The following ARHGEF40 variants were observed in gnomAD, a reference collection of about 807,000 sequenced individuals.
ARHGEF40 encodes the protein Rho guanine nucleotide exchange factor 40, also known as Rho guanine nucleotide exchange factor (GEF) 40.
A neutral mutation model predicts 165.9 loss-of-function variants in ARHGEF40; 98 were observed. That is an observed-to-expected ratio of 0.59 (90% CI 0.50 to 0.70). The LOEUF (loss-of-function observed/expected upper bound fraction) is 0.70, where lower values mean the gene tolerates loss of function less well. Ranked by LOEUF, ARHGEF40 falls within the 30% of genes least tolerant of loss-of-function variation. The pLI, the probability that ARHGEF40 is intolerant of heterozygous loss-of-function variation, is 0.00. For missense variants in ARHGEF40, 1,815 were observed against 1,968.0 expected, an observed-to-expected ratio of 0.92 and a Z score of 1.47; for synonymous variants, 792 against 814.3, an observed-to-expected ratio of 0.97 and a Z score of 0.47.
Position 21,074,516 on chromosome 14 carries a change from C to T in ARHGEF40, c.786C>T (p.Ser262=), listed in dbSNP as rs752015437. Reference sequence around the variant, plus strand: ...GGAGCCCAACAGATGCTGAAGGCTCCCCAGGCCTCTCCAGAGTCCGGACGG... The same window carrying T: ...GGAGCCCAACAGATGCTGAAGGCTCTCCAGGCCTCTCCAGAGTCCGGACGG... ...VRGSPTDAEG[S]PGLSRVRTVP... Residue 262 remains serine, a synonymous_variant, in exon 3 of 24, where the codon TCC becomes TCT. Transcript: ENST00000298694. The surrounding 1 kb of genome is among the most constrained non-coding windows in gnomAD (Gnocchi z 4.8). The T allele has an allele frequency of 6.4e-7, 1 of 1,553,270 alleles. No homozygotes were observed. Among genetic ancestry groups the T allele is most frequent in the South Asian group, 1.2e-5 (1 of 83,234 alleles).
At chr14:21,069,172 C>T (rs537283491), upstream of ARHGEF40, among the ~76,000 whole-genome samples, 22 of 152,362 alleles carry the variant, frequency 1.4e-4, no homozygotes, top group African/African-American at 5.3e-4. Flanking sequence ...AGGGCATCTC[C>T]CCGCCGTGCC....
chr14:21,075,554 G>T lies in ARHGEF40; in HGVS notation c.1618+55G>T. The T allele has an allele frequency of 6.2e-7, 1 of 1,614,006 alleles. No homozygotes were observed. Among genetic ancestry groups the T allele is most frequent in the Non-Finnish European group, 8.5e-7 (1 of 1,180,012 alleles). On this transcript the variant is annotated intron_variant, in intron 4 of 23. Transcript: ENST00000298694. The surrounding 1 kb of genome is among the most constrained non-coding windows in gnomAD (Gnocchi z 4.5). ...CAGGACTGGGAAAGAGAAGCAATTG[G>T]GTGGGCTTGGGGACTGGGGGAGGCA... is the stretch of plus-strand genomic sequence containing the variant.
At chr14:21,078,711 A>C (rs778221431) in intron 10 of ARHGEF40, among the ~76,000 whole-genome samples, 173 bp from the exon 11 acceptor site, 21 of 152,260 alleles carry the variant, frequency 1.4e-4, no homozygotes, top group African/African-American at 5.1e-4. Flanking sequence ...TGTCTTGGCC[A>C]ACATCGGTCA....
Position 21,075,324 on chromosome 14 carries a change from CTG to C in ARHGEF40, c.1451-5_1451-4del. On this transcript the variant is annotated splice_polypyrimidine_tract_variant and splice_region_variant and intron_variant, in intron 3 of 23. Transcript: ENST00000298694. The surrounding 1 kb of genome is among the most constrained non-coding windows in gnomAD (Gnocchi z 4.5). ...TTCAGTCCCATGTTTCTGTCTGTGT[CTG>C]TGCAGGACACACAGGCCCAGAAGGC... 4 of 1,613,746 alleles carry C rather than the reference CTG, an allele frequency of 2.5e-6. No individual in the cohort carries two copies. The highest frequency in any genetic ancestry group is 3.4e-6 in the Non-Finnish European group (4 of 1,179,938).
rs767614262 is a variant in ARHGEF40, at chr14:21,087,301, C to G, written c.4244-19C>G. ...TTTCCCACACCAGCACCCCACCCCC[C>G]ACTCCCCACTCTCTGCAGCCGCCCG... is the stretch of plus-strand genomic sequence containing the variant. On this transcript the variant is annotated intron_variant, in intron 20 of 23. Coordinates refer to ENST00000298694, the MANE Select transcript of ARHGEF40 (RefSeq NM_018071.5). 8 of 1,600,858 alleles carry G rather than the reference C, an allele frequency of 5.0e-6. No individual in the cohort carries two copies. Among genetic ancestry groups the G allele is most frequent in the East Asian group, 2.2e-5 (1 of 44,694 alleles).
chr14:21,073,098 A>G lies in ARHGEF40; in HGVS notation c.57A>G (p.Pro19=). The change falls in exon 2 of 24, where the codon CCA becomes CCG. Residue 19 remains proline, a synonymous_variant. Coordinates refer to ENST00000298694, the MANE Select transcript of ARHGEF40 (RefSeq NM_018071.5). The surrounding 1 kb of genome is among the most constrained non-coding windows in gnomAD (Gnocchi z 4.6). ...AGAGCACTCTCGCCGCCCTGTATCC[A>G]CCCTTTGAGGCAACAGCCCCCACCC... The part of the protein sequence containing the change: ...CVQSTLAALY[P]PFEATAPTLL... The G allele has an allele frequency of 6.2e-7, 1 of 1,613,978 alleles. No individual in the cohort carries two copies. The highest frequency in any genetic ancestry group is 8.5e-7 in the Non-Finnish European group (1 of 1,179,972).
chr14:21,065,732 C>T (rs1886228764), upstream of ARHGEF40, among the ~76,000 whole-genome samples: 2 of 152,124 alleles, frequency 1.3e-5, no homozygotes, highest in South Asian at 4.1e-4. Context: ...AAGAAAGCTC[C>T]AGACAGAAGG....
chr14:21,081,737 G>A lies in ARHGEF40; in HGVS notation c.2869G>A (p.Gly957Arg), dbSNP rs941162911. 6 of 1,576,766 alleles carry A rather than the reference G, an allele frequency of 3.8e-6. No homozygotes were observed. The highest frequency in any genetic ancestry group is 1.4e-5 in the African/African-American group (1 of 74,052). ...AGAGAGGAGGATCCAGCAACACGTG[G>A]GAGAGGAGGCGAGCCCACGGGGCTA... ...ELERRIQQHV[G>R]EEASPRGYRR... Residue 957 changes from glycine (G) to arginine (R), a missense_variant, in exon 14 of 24, where the codon GGA becomes AGA. By Grantham distance (125) the Gly-to-Arg change is moderately radical. Coordinates refer to ENST00000298694, the MANE Select transcript of ARHGEF40 (RefSeq NM_018071.5).
rs375696722 is a variant in ARHGEF40 at position 21,081,968 on chromosome 14, G to T, written c.3100G>T (p.Ala1034Ser). Residue 1034 changes from alanine to serine, a missense_variant, in exon 14 of 24, where the codon GCT becomes TCT. Coordinates refer to ENST00000298694, the MANE Select transcript of ARHGEF40 (RefSeq NM_018071.5). Reference protein sequence around the residue: ...APEAEGRPPRAVLIRGLEVTS... With the variant: ...APEAEGRPPRSVLIRGLEVTS... ...AGAAGCAGAGGGCAGGCCCCCAAGA[G>T]CTGTGCTGATCCGAGGCCTGGAGGT... 1 of 1,598,894 alleles carries T rather than the reference G, an allele frequency of 6.3e-7. No homozygotes were observed. The highest frequency in any genetic ancestry group is 1.1e-5 in the South Asian group (1 of 88,734).
chr14:21,063,749 A>C, the ARHGEF40 span, among the ~76,000 whole-genome samples: 2 of 152,230 alleles, frequency 1.3e-5, no homozygotes, highest in Non-Finnish European at 2.9e-5. Flanking sequence ...ATTTAACAAA[A>C]TGTGGTTTTG....
At chr14:21,077,277 G>GTTTTTT (rs1229886464) in intron 8 of ARHGEF40, among the ~76,000 whole-genome samples, 1 of 115,694 alleles carries the variant, frequency 8.6e-6, no homozygotes, top group Non-Finnish European at 1.8e-5. Flanking sequence ...CCTAGTTTTT[G>GTTTTTT]TATTTTTTTT....
chr14:21,073,844 C>T lies in ARHGEF40; in HGVS notation c.202-88C>T, dbSNP rs992479081. 8.3e-6 allele frequency: 12 copies of T among 1,450,622 alleles called. No homozygotes were observed. In the Middle Eastern group the frequency reaches 1.1e-3, roughly 132 times the overall value. The allele number at this position is 1,450,622 out of a possible 1,614,324, so 89.9% of individuals were successfully genotyped here. A position where few individuals can be genotyped will look rare whatever the true frequency, so the allele number is the denominator to read the frequency against. ...ATAACCTTCCAGGCATAAGGCTGGT[C>T]CTGCCTAGGGTGGGCCCATTCTAAC... On this transcript the variant is annotated intron_variant, in intron 2 of 23. Transcript: ENST00000298694. This position sits in a 1 kb window ranked among gnomAD's most constrained non-coding sequence, Gnocchi z 4.6.
Position 21,089,053 on chromosome 14 carries a change from C to A in ARHGEF40, c.*45C>A. On this transcript the variant is annotated 3_prime_UTR_variant, in exon 24 of 24. Coordinates refer to ENST00000298694, the MANE Select transcript of ARHGEF40 (RefSeq NM_018071.5). ...TTGCGTGCAGCTTCTCCTCTCAGCA[C>A]ACTTTGGGCTGGGATGGCAGTGGGG... The A allele has an allele frequency of 1.7e-6, 1 of 599,884 alleles. No individual in the cohort carries two copies. The highest frequency in any genetic ancestry group is 2.8e-6 in the Non-Finnish European group (1 of 352,466). The allele number at this position is 599,884 out of a possible 1,614,324, so 37.2% of individuals were successfully genotyped here. A position where few individuals can be genotyped will look rare whatever the true frequency, so the allele number is the denominator to read the frequency against.
chr14:21,082,425 C>T lies in ARHGEF40; in HGVS notation c.3433C>T (p.Leu1145Phe), dbSNP rs753689255. The change falls in exon 15 of 24, where the codon CTT (leucine) becomes TTT (phenylalanine). Residue 1145 changes from leucine to phenylalanine, a missense_variant. Leu to Phe is a conservative substitution (Grantham distance 22). Transcript: ENST00000298694. ...SFHRTHFLRE[L>F]QGCATHPLRI... Reference sequence around the variant, plus strand: ...CCACCGGACACACTTTCTGCGGGAGCTTCAGGGCTGCGCCACCCACCCCCT... The same window carrying T: ...CCACCGGACACACTTTCTGCGGGAGTTTCAGGGCTGCGCCACCCACCCCCT... 6.2e-7 allele frequency: 1 copy of T among 1,608,658 alleles called. No individual in the cohort carries two copies. The highest frequency in any genetic ancestry group is 8.5e-7 in the Non-Finnish European group (1 of 1,176,932).
At chr14:21,077,922 C>T (rs1887557690) in intron 8 of ARHGEF40, among the ~76,000 whole-genome samples, 2 of 152,192 alleles carry the variant, frequency 1.3e-5, no homozygotes, top group South Asian at 4.1e-4. Context: ...GCCAGGCCCA[C>T]GTTAGTTGCT....
rs186973954 is a variant in ARHGEF40, at chr14:21,070,385, C to A, written c.-12C>A. Reference sequence around the variant, plus strand: ...GCCCGACCAAGCGTCGGACGCGGCCCGGCGCCGAGCCATGGTGAGTCCAGC... The same window carrying A: ...GCCCGACCAAGCGTCGGACGCGGCCAGGCGCCGAGCCATGGTGAGTCCAGC... On this transcript the variant is annotated 5_prime_UTR_variant, in exon 1 of 24. Transcript: ENST00000298694. This position sits in a 1 kb window ranked among gnomAD's most constrained non-coding sequence, Gnocchi z 4.7. 5,017 of 1,410,844 alleles carry A rather than the reference C, an allele frequency of 3.6e-3. 161 individuals carry two copies. In the African/African-American group the frequency reaches 0.067, roughly 19 times the overall value. The allele number at this position is 1,410,844 out of a possible 1,614,324, so 87.4% of individuals were successfully genotyped here.
chr14:21,070,039 G>A (rs1173502505), upstream of ARHGEF40, among the ~76,000 whole-genome samples: 1 of 152,204 alleles, frequency 6.6e-6, no homozygotes, highest in Non-Finnish European at 1.5e-5. The surrounding 1 kb of genome is among the most constrained non-coding windows in gnomAD (Gnocchi z 4.7). Flanking sequence ...CGAGGGTCAG[G>A]GTCGAGGTTA....
intron 19 of ARHGEF40, chr14:21,086,685 G>GTTTT (rs200275005): frequency 7.1e-6 from 2 of 280,952 alleles, no homozygotes. Flanking sequence ...AAATGTGAGG[G>GTTTT]TTTGTTTTTT....
rs768495597 is a variant in ARHGEF40 at position 21,081,961 on chromosome 14, C to T, written c.3093C>T (p.Pro1031=). 3.1e-6 allele frequency: 5 copies of T among 1,601,798 alleles called. No individual in the cohort carries two copies. In the Admixed American group the frequency reaches 5.1e-5, roughly 16 times the overall value. Residue 1031 remains proline, a synonymous_variant, in exon 14 of 24, where the codon CCC becomes CCT. Transcript: ENST00000298694. ...PELAPEAEGR[P]PRAVLIRGLE... ...TGGCTCCAGAAGCAGAGGGCAGGCCCCCAAGAGCTGTGCTGATCCGAGGCC... is the reference window on the plus strand; with the variant it reads ...TGGCTCCAGAAGCAGAGGGCAGGCCTCCAAGAGCTGTGCTGATCCGAGGCC...
Sources: allele counts gnomAD v4.1 joint callset (sites outside exome capture counted in the v4.1 genomes callset), GRCh38; gene constraint gnomAD v4.1.1; non-coding constraint Gnocchi (gnomAD v3.1); transcripts MANE v1.5; gene names NCBI Gene and HGNC (gene_info 2026-07-23, HGNC 2026-07-21).